ITSN1: variants seen among roughly 807,000 people sequenced by gnomAD.
The protein encoded by ITSN1 is intersectin-1.
ITSN1 carries 58 observed loss-of-function variants against 239.8 expected under a neutral mutation model. The ratio of observed to expected loss-of-function variants is 0.24; its 90% CI spans 0.20 to 0.30. The LOEUF (loss-of-function observed/expected upper bound fraction) is 0.30. Ranked by LOEUF, ITSN1 falls within the 10% of genes least tolerant of loss-of-function variation. ITSN1 has a pLI of 1.00. For synonymous variants in ITSN1, 780 were observed against 770.8 expected, an observed-to-expected ratio of 1.01 and a Z score of -0.20; for missense variants, 1,558 against 2,103.3, an observed-to-expected ratio of 0.74 and a Z score of 5.07.
intron 4 of ITSN1, among the ~76,000 whole-genome samples, chr21:33,724,488 A>C (rs770250472): frequency 2.0e-5 from 3 of 152,256 alleles, no homozygotes; most frequent in Non-Finnish European, 4.4e-5. Context: ...TTTGCAGCTC[A>C]TACATGATCA....
intron 14 of ITSN1, among the ~76,000 whole-genome samples, chr21:33,780,227 A>G (rs1339019546): frequency 6.6e-6 from 1 of 152,264 alleles, no homozygotes; most frequent in African/African-American, 2.4e-5. Flanking sequence ...ACCTAATACT[A>G]TATGACCAAG....
intron 1 of ITSN1, among the ~76,000 whole-genome samples, chr21:33,647,724 A>G (rs2088107074): frequency 6.6e-6 from 1 of 152,030 alleles, no homozygotes. Flanking sequence ...TCATGCTCCT[A>G]ACCTCAGGTG....
chr21:33,677,342 C>CTTT (rs748470766), intron 1 of ITSN1, among the ~76,000 whole-genome samples: 1 of 137,108 alleles, frequency 7.3e-6, no homozygotes, highest in African/African-American at 2.7e-5. Flanking sequence ...AAGCAGAATT[C>CTTT]TTTTTTTTTT....
At chr21:33,841,622 G>T (rs1236949809) in intron 29 of ITSN1, among the ~76,000 whole-genome samples, 3 of 152,178 alleles carry the variant, frequency 2.0e-5, no homozygotes. Flanking sequence ...ACCAGGGACC[G>T]TTGTCTGAGC....
At position 33,877,059 on chromosome 21, in the gene ITSN1, C is replaced by CTTTTTTTTTTTTTTTTTTTTTTTTTTT. The variant is rs10529259; in HGVS notation, c.4341+1550_4341+1551insTTTTTTTTTTTTTTTTTTTTTTTTTTT. Among the ~76,000 whole-genome samples, 19 of 106,404 alleles carry CTTTTTTTTTTTTTTTTTTTTTTTTTTT rather than the reference C, an allele frequency of 1.8e-4. 6 individuals are homozygous for CTTTTTTTTTTTTTTTTTTTTTTTTTTT. Among genetic ancestry groups the CTTTTTTTTTTTTTTTTTTTTTTTTTTT allele is most frequent in the South Asian group, 6.8e-4 (2 of 2,924 alleles). 69.8% of individuals were successfully genotyped at this position (106,404 alleles called of 152,430 possible). A position where few individuals can be genotyped will look rare whatever the true frequency, so the allele number is the denominator to read the frequency against. On this transcript the variant is annotated intron_variant, in intron 34 of 39. Coordinates refer to ENST00000381318, the MANE Select transcript of ITSN1 (RefSeq NM_003024.3). ...TCCTTAGAACTTTACCTGTGGGCAC[C>CTTTTTTTTTTTTTTTTTTTTTTTTTTT]TTTTTTTTTTTTGAAATGGAGTCTC...
intron 1 of ITSN1, among the ~76,000 whole-genome samples, chr21:33,673,532 G>A (rs1439075345): frequency 6.6e-6 from 1 of 152,220 alleles, no homozygotes; most frequent in Non-Finnish European, 1.5e-5. Flanking sequence ...TTGAAGGGGC[G>A]AGGACAGAGC....
chr21:33,754,731 G>A (rs1382645948), intron 7 of ITSN1, among the ~76,000 whole-genome samples: 3 of 152,188 alleles, frequency 2.0e-5, no homozygotes, highest in Non-Finnish European at 4.4e-5. Context: ...CTCTGCTTAT[G>A]TGTGACCATG....
chr21:33,648,627 C>T (rs2088199998), intron 1 of ITSN1, among the ~76,000 whole-genome samples: 2 of 152,150 alleles, frequency 1.3e-5, no homozygotes, highest in Admixed American at 1.3e-4. Flanking sequence ...GGGAGCATTA[C>T]TTGAGCCCAG....
chr21:33,844,763 C>T (rs2074936648), intron 29 of ITSN1, among the ~76,000 whole-genome samples: 1 of 152,094 alleles, frequency 6.6e-6, no homozygotes, highest in Non-Finnish European at 1.5e-5. Flanking sequence ...CCTCTTTCCT[C>T]TCTGGAGTGT....
intron 11 of ITSN1, 112 bp downstream of exon 11, chr21:33,767,940 C>A: frequency 1.7e-6 from 1 of 591,974 alleles, no homozygotes; most frequent in Non-Finnish European, 2.9e-6. Flanking sequence ...GACATTTTTG[C>A]CTTGTAACTT....
At chr21:33,648,430 T>TA (rs2088183067) in intron 1 of ITSN1, among the ~76,000 whole-genome samples, 1 of 152,188 alleles carries the variant, frequency 6.6e-6, no homozygotes, top group African/African-American at 2.4e-5. Flanking sequence ...GGGTACTTTT[T>TA]ATGTTCTCGA....
intron 1 of ITSN1, among the ~76,000 whole-genome samples, chr21:33,699,902 G>A (rs2091936849): frequency 6.6e-6 from 1 of 151,946 alleles, no homozygotes; most frequent in African/African-American, 2.4e-5. Flanking sequence ...AGCTGGGATT[G>A]TAGGCATGTA....
At chr21:33,713,719 T>G (rs2092482241) in intron 1 of ITSN1, among the ~76,000 whole-genome samples, 1 of 152,090 alleles carries the variant, frequency 6.6e-6, no homozygotes, top group African/African-American at 2.4e-5. Context: ...CATCTACATG[T>G]TTCTACTATT....
chr21:33,814,277 C>T (rs2073118550), intron 22 of ITSN1: 2 of 548,582 alleles, frequency 3.6e-6, no homozygotes. Context: ...CAGTCAACTT[C>T]TCCTGCCTGG....
At chr21:33,817,101 C>G (rs748979795) in intron 22 of ITSN1, 37 of 1,120,170 alleles carry the variant, frequency 3.3e-5, no homozygotes, top group African/African-American at 1.1e-4. Flanking sequence ...TAGGCATTAT[C>G]TTTTGTTCTT....
In ITSN1 at chr21:33,865,280, T is replaced by C. The variant is rs1415321214; in HGVS notation, c.4020T>C (p.Ala1340=). 6.2e-7 allele frequency: 1 copy of C among 1,603,144 alleles called. No individual in the cohort carries two copies. Among genetic ancestry groups the C allele is most frequent in the African/African-American group, 1.3e-5 (1 of 74,920 alleles). The stretch of plus-strand genomic sequence containing the variant: ...TCTGCAGCCGCCAGCTCAACGGGGC[T>C]GCCCTGATCCAGCAGAAGACGGATG... ...IRFCSRQLNG[A]ALIQQKTDEA... Residue 1340 remains alanine, a synonymous_variant, in exon 32 of 40, where the codon GCT becomes GCC. Transcript: ENST00000381318. This position sits in a 1 kb window ranked among gnomAD's most constrained non-coding sequence, Gnocchi z 4.4.
At chr21:33,804,387 C>G (rs1439674799) in intron 20 of ITSN1, among the ~76,000 whole-genome samples, 1 of 152,130 alleles carries the variant, frequency 6.6e-6, no homozygotes, top group African/African-American at 2.4e-5. Context: ...AGAAAATTAT[C>G]AAGTCTGCCA....
At chr21:33,740,858 A>G (rs1044904828) in intron 5 of ITSN1, among the ~76,000 whole-genome samples, 2 of 152,150 alleles carry the variant, frequency 1.3e-5, no homozygotes, top group African/African-American at 2.4e-5. Context: ...TGAGGCTCCT[A>G]GTTCAGGACC....
At chr21:33,860,423 C>T (rs1348731345) in intron 31 of ITSN1, among the ~76,000 whole-genome samples, 1 of 152,150 alleles carries the variant, frequency 6.6e-6, no homozygotes, top group Non-Finnish European at 1.5e-5. Flanking sequence ...CTGAGCTTCC[C>T]AAGTAGCCCT....
Sources: allele counts gnomAD v4.1 joint callset (sites outside exome capture counted in the v4.1 genomes callset), GRCh38; gene constraint gnomAD v4.1.1; non-coding constraint Gnocchi (gnomAD v3.1); transcripts MANE v1.5; gene names NCBI Gene and HGNC (gene_info 2026-07-23, HGNC 2026-07-21).